The following ROBO2 variants were observed in gnomAD, a reference collection of about 807,000 sequenced individuals.
The protein encoded by ROBO2 is roundabout homolog 2.
ROBO2 carries 53 observed loss-of-function variants against 160.8 expected under a neutral mutation model. That is an observed-to-expected ratio of 0.33 (90% CI 0.26 to 0.41). ROBO2 has a LOEUF of 0.41. Among genes scored for constraint, ROBO2 ranks in the 10% least tolerant of loss-of-function variants. The pLI is 1.00. For synonymous variants in ROBO2, 664 were observed against 611.7 expected (o/e 1.09, Z -1.26); for missense variants, 1,577 against 1,722.4 (o/e 0.92, Z 1.49).
chr3:76,537,477 A>C (rs2082571107), intron 2 of ROBO2, among the ~76,000 whole-genome samples: 1 of 152,040 alleles, frequency 6.6e-6, no homozygotes, highest in African/African-American at 2.4e-5. Flanking sequence ...GAAGAAATTG[A>C]AGGAGAGAGA....
chr3:77,073,899 C>T (rs559105447), intron 1 of ROBO2, among the ~76,000 whole-genome samples: 66 of 152,224 alleles, frequency 4.3e-4, no homozygotes, highest in African/African-American at 1.6e-3. Flanking sequence ...AGTTGGTGAT[C>T]ATGACCTGGA....
chr3:76,380,056 CAG>C (rs1384064092), intron 2 of ROBO2, among the ~76,000 whole-genome samples: 1 of 151,814 alleles, frequency 6.6e-6, no homozygotes, highest in Non-Finnish European at 1.5e-5. Context: ...AAATCATTGA[CAG>C]ATTTAATGCA....
chr3:76,141,159 C>CTATATATATATATATA (rs55778369), intron 2 of ROBO2, among the ~76,000 whole-genome samples: 13 of 9,172 alleles, frequency 1.4e-3, no homozygotes, highest in Non-Finnish European at 1.8e-3. Context: ...CTCTCTCTCT[C>CTATATATATATATATA]TATATATATA....
intron 2 of ROBO2, among the ~76,000 whole-genome samples, chr3:77,033,081 T>C (rs2063420955): frequency 6.6e-6 from 1 of 152,192 alleles, no homozygotes; most frequent in South Asian, 2.1e-4. Context: ...TCCGACTACC[T>C]TGTGAGTAGG....
At chr3:76,916,386 G>A (rs1577456333) in intron 2 of ROBO2, among the ~76,000 whole-genome samples, 1 of 152,056 alleles carries the variant, frequency 6.6e-6, no homozygotes, top group Non-Finnish European at 1.5e-5. Flanking sequence ...CTGTCACCAA[G>A]GTTGGGGTGT....
intron 2 of ROBO2, among the ~76,000 whole-genome samples, chr3:77,235,179 T>G (rs2151312034): frequency 6.6e-6 from 1 of 152,300 alleles, no homozygotes; most frequent in East Asian, 1.9e-4. Flanking sequence ...TTCGATAACC[T>G]TTATTAAAAT....
intron 2 of ROBO2, among the ~76,000 whole-genome samples, chr3:77,320,540 T>C (rs868756241): frequency 3.3e-5 from 5 of 150,764 alleles, no homozygotes; most frequent in Admixed American, 6.8e-5. Context: ...TGGTTCTTTG[T>C]TTCTCTTTCT....
intron 23 of ROBO2, among the ~76,000 whole-genome samples, chr3:77,628,241 A>T (rs2095076464): frequency 6.6e-6 from 1 of 152,262 alleles, no homozygotes; most frequent in African/African-American, 2.4e-5. Flanking sequence ...GGGCTGAAAC[A>T]TGTCAAATTG....
chr3:77,206,953 T>C (rs753222982), intron 2 of ROBO2, among the ~76,000 whole-genome samples: 37 of 152,234 alleles, frequency 2.4e-4, no homozygotes, highest in Admixed American at 5.9e-4. Flanking sequence ...TCGTTAATGG[T>C]ACACAGTATT....
At chr3:76,216,093 T>A (rs1266513949) in intron 2 of ROBO2, among the ~76,000 whole-genome samples, 4 of 152,142 alleles carry the variant, frequency 2.6e-5, no homozygotes, top group African/African-American at 9.7e-5. Context: ...TAAAATACTT[T>A]ACAGACAAGC....
At chr3:77,238,838 A>T (rs1428303805) in intron 2 of ROBO2, among the ~76,000 whole-genome samples, 2 of 152,188 alleles carry the variant, frequency 1.3e-5, no homozygotes. Flanking sequence ...AGTGACGTAG[A>T]TGTTTACACT....
intron 2 of ROBO2, among the ~76,000 whole-genome samples, chr3:76,932,679 T>C (rs2077424573): frequency 6.6e-6 from 1 of 152,278 alleles, no homozygotes. Flanking sequence ...TTAAGAGAAC[T>C]ACCTACACAA....
At chr3:76,558,948 T>C (rs774941692) in intron 2 of ROBO2, among the ~76,000 whole-genome samples, 23 of 152,144 alleles carry the variant, frequency 1.5e-4, no homozygotes, top group Non-Finnish European at 2.9e-4. Context: ...TCCCAGACTC[T>C]AGACTGTTAG....
Position 77,589,436 on chromosome 3 carries a change from C to T in ROBO2, c.2683+503C>T, listed in dbSNP as rs557225334. Among the ~76,000 whole-genome samples the T allele has an allele frequency of 3.3e-5, 5 of 152,144 alleles. No individual in the cohort carries two copies. The South Asian group carries it at 1.0e-3, about 31-fold the overall frequency. ...AAAAATCTCACCAGAATTGATAAGA[C>T]TGATGAGGCATGAATTAAGTGATTT... On this transcript the variant is annotated intron_variant, in intron 17 of 25. Transcript: ENST00000461745.
At chr3:76,043,705 T>G (rs1362660846) in intron 2 of ROBO2, among the ~76,000 whole-genome samples, 1 of 150,972 alleles carries the variant, frequency 6.6e-6, no homozygotes, top group African/African-American at 2.5e-5. Context: ...CACCTCTTTA[T>G]GACCAACCAT....
chr3:76,003,087 C>T (rs1280216375), intron 2 of ROBO2, among the ~76,000 whole-genome samples: 1 of 152,194 alleles, frequency 6.6e-6, no homozygotes, highest in Non-Finnish European at 1.5e-5. Context: ...TAGACCACTG[C>T]TGGGCCCACT....
chr3:75,930,385 A>T (rs1442674492), intron 1 of ROBO2, among the ~76,000 whole-genome samples: 3 of 151,976 alleles, frequency 2.0e-5, no homozygotes. Context: ...TTTCCTCCTC[A>T]AATGTCGTAG....
At chr3:76,617,054 G>GAT (rs1403914596) in intron 2 of ROBO2, among the ~76,000 whole-genome samples, 39 of 151,752 alleles carry the variant, frequency 2.6e-4, no homozygotes, top group Middle Eastern at 3.2e-3. Context: ...CAGGGCATTG[G>GAT]ATATATATAT....
intron 2 of ROBO2, among the ~76,000 whole-genome samples, chr3:76,203,913 A>G (rs1244101408): frequency 6.6e-6 from 1 of 152,206 alleles, no homozygotes; most frequent in Non-Finnish European, 1.5e-5. Flanking sequence ...GGTAGGTGTA[A>G]GAAGATGCCT....
Sources: gnomAD v4.1 joint callset for allele counts (sites outside exome capture counted in the v4.1 genomes callset) on GRCh38, gnomAD v4.1.1 for gene constraint, MANE v1.5 for transcripts, NCBI Gene and HGNC (gene_info 2026-07-23, HGNC 2026-07-21) for gene names.